Variants in CIRSR observed in about 807,000 individuals in gnomAD.
The protein encoded by CIRSR is corepressor of RBPJ and splicing regulator.
the CIRSR span, among the ~76,000 whole-genome samples, chr2:174,389,560 A>G: frequency 6.6e-6 from 1 of 152,230 alleles, no homozygotes; most frequent in Non-Finnish European, 1.5e-5. Context: ...ACAATGGAAT[A>G]GAGAAGAAAA....
chr2:174,379,094 T>C, the CIRSR span: 1 of 1,218,716 alleles, frequency 8.2e-7, no homozygotes, highest in Non-Finnish European at 1.2e-6. Context: ...ATCTAACCAA[T>C]GTTCAAATTC....
the CIRSR span, among the ~76,000 whole-genome samples, chr2:174,386,216 T>C: frequency 6.6e-6 from 1 of 152,186 alleles, no homozygotes; most frequent in Non-Finnish European, 1.5e-5. Flanking sequence ...AGTTTCGCTC[T>C]TGTTGGCCAC....
the CIRSR span, among the ~76,000 whole-genome samples, chr2:174,384,599 G>T: frequency 1.3e-5 from 2 of 151,382 alleles, no homozygotes; most frequent in African/African-American, 2.4e-5. Context: ...GTTTTTTGGG[G>T]TTTTTTTTAG....
chr2:174,352,852 T>C, the CIRSR span, among the ~76,000 whole-genome samples: 1 of 151,892 alleles, frequency 6.6e-6, no homozygotes, highest in African/African-American at 2.4e-5. Context: ...TACGGGAGGG[T>C]AGGGGGATAG....
the CIRSR span, chr2:174,380,815 C>G: frequency 8.2e-6 from 13 of 1,591,772 alleles, no homozygotes; most frequent in Non-Finnish European, 7.7e-6. Context: ...TCTTTGTTTT[C>G]TTGATTGCAT....
the CIRSR span, among the ~76,000 whole-genome samples, chr2:174,362,243 C>G: frequency 6.6e-6 from 1 of 151,884 alleles, no homozygotes; most frequent in Admixed American, 6.6e-5. Flanking sequence ...GAGGTCGAGG[C>G]TGCAGTGAGC....
chr2:174,352,471 G>T, the CIRSR span, among the ~76,000 whole-genome samples: 1 of 152,154 alleles, frequency 6.6e-6, no homozygotes, highest in Non-Finnish European at 1.5e-5. Context: ...ATTTTCAGCT[G>T]GGAGTGGTGA....
chr2:174,392,877 TAAG>T, the CIRSR span, among the ~76,000 whole-genome samples: 57 of 152,294 alleles, frequency 3.7e-4, no homozygotes, highest in Non-Finnish European at 4.9e-4. Context: ...ACATCAAAGT[TAAG>T]AAGAGAAAAC....
chr2:174,387,783 G>A, the CIRSR span: 1 of 1,564,420 alleles, frequency 6.4e-7, no homozygotes, highest in Non-Finnish European at 8.6e-7. Context: ...TCCATACCTA[G>A]ATTAGTGAAG....
chr2:174,380,943 CTTT>C, the CIRSR span: 1 of 713,418 alleles, frequency 1.4e-6, no homozygotes, highest in Admixed American at 3.5e-5. Context: ...ATTGGTTTGA[CTTT>C]TTTTCTTCTT....
At chr2:174,369,900 A>G in the CIRSR span, 11 of 1,296,852 alleles carry the variant, frequency 8.5e-6, no homozygotes, top group Admixed American at 2.1e-4. Context: ...AATTATTGCA[A>G]TAATTACCAA....
the CIRSR span, among the ~76,000 whole-genome samples, chr2:174,389,697 C>T: frequency 1.3e-5 from 2 of 152,208 alleles, no homozygotes; most frequent in African/African-American, 2.4e-5. Context: ...ACAGCAGCCC[C>T]TCCCATCATA....
chr2:174,348,864 C>T, the CIRSR span: 66 of 1,614,062 alleles, frequency 4.1e-5, no homozygotes, highest in East Asian at 9.8e-4. Context: ...GGCTTTTTCC[C>T]GGTTATGGTG....
chr2:174,390,396 T>C, the CIRSR span, among the ~76,000 whole-genome samples: 10 of 152,322 alleles, frequency 6.6e-5, no homozygotes, highest in South Asian at 1.7e-3. Context: ...AATTGTCCCA[T>C]TGGGGATGGG....
At chr2:174,370,652 C>T in the CIRSR span, among the ~76,000 whole-genome samples, 4 of 152,160 alleles carry the variant, frequency 2.6e-5, no homozygotes, top group African/African-American at 4.8e-5. Flanking sequence ...CCATGGCTCA[C>T]GCCTGTAATC....
chr2:174,394,784 C>G, the CIRSR span, among the ~76,000 whole-genome samples: 6 of 152,152 alleles, frequency 3.9e-5, no homozygotes, highest in South Asian at 2.1e-4. Context: ...TATGTAGGGG[C>G]AATCAACATT....
chr2:174,354,107 A>C, the CIRSR span, among the ~76,000 whole-genome samples: 8 of 151,818 alleles, frequency 5.3e-5, no homozygotes, highest in African/African-American at 1.7e-4. Context: ...AAAATGATGT[A>C]TTTCCCCAGT....
the CIRSR span, among the ~76,000 whole-genome samples, chr2:174,389,955 G>T: frequency 6.6e-6 from 1 of 152,234 alleles, no homozygotes; most frequent in South Asian, 2.1e-4. Context: ...GGAAACACCT[G>T]GATGTTCAGG....
At chr2:174,368,138 C>A in the CIRSR span, among the ~76,000 whole-genome samples, 1 of 152,138 alleles carries the variant, frequency 6.6e-6, no homozygotes, top group Admixed American at 6.5e-5. Context: ...GAGATGTCAA[C>A]ACCCCTCTAT....
Sources: gnomAD v4.1 joint callset for allele counts (sites outside exome capture counted in the v4.1 genomes callset) on GRCh38, gnomAD v4.1.1 for gene constraint, MANE v1.5 for transcripts, NCBI Gene and HGNC (gene_info 2026-07-23, HGNC 2026-07-21) for gene names.